SBF2: variants seen among roughly 807,000 people sequenced by gnomAD.
SBF2 encodes the protein myotubularin-related protein 13.
A neutral mutation model predicts 225.2 loss-of-function variants in SBF2; 112 were observed. The observed-to-expected ratio is 0.50, with a 90% confidence interval of 0.43 to 0.58. The LOEUF (loss-of-function observed/expected upper bound fraction) is 0.58. Among genes scored for constraint, SBF2 ranks in the 20% least tolerant of loss-of-function variants. The probability of loss-of-function intolerance (pLI) is 0.00; values close to 1 mark genes in which losing one functional copy is unlikely to be tolerated. For missense variants in SBF2, 1,996 were observed against 2,206.2 expected (o/e 0.90, Z 1.91); for synonymous variants, 763 against 773.3 (o/e 0.99, Z 0.22).
intron 25 of SBF2, among the ~76,000 whole-genome samples, chr11:9,840,798 G>C (rs1459501454): frequency 1.3e-5 from 2 of 152,144 alleles, no homozygotes; most frequent in Non-Finnish European, 2.9e-5. Context: ...ATTTTTGTTA[G>C]AGGATGTGGT....
chr11:10,130,100 TG>T (rs1330685447), intron 2 of SBF2, among the ~76,000 whole-genome samples: 6 of 152,148 alleles, frequency 3.9e-5, no homozygotes, highest in Non-Finnish European at 8.8e-5. Context: ...CAGTGGCTCA[TG>T]CCTGTAATAC....
intron 16 of SBF2, chr11:9,959,987 G>T (rs1045863305): frequency 2.4e-5 from 7 of 294,026 alleles, no homozygotes; most frequent in Non-Finnish European, 4.0e-5. Flanking sequence ...GATTTGTAGG[G>T]TTTTTTCTTT....
chr11:10,277,252 T>TAAACAAACAAAC (rs61700623), intron 1 of SBF2, among the ~76,000 whole-genome samples: 134,517 of 151,582 alleles, frequency 0.89, 61,157 homozygotes, highest in East Asian at 1. Flanking sequence ...ACTCTGTCTC[T>TAAACAAACAAAC]AAACAAACAA....
chr11:10,275,790 C>T (rs1316910784), intron 1 of SBF2, among the ~76,000 whole-genome samples: 1 of 152,096 alleles, frequency 6.6e-6, no homozygotes, highest in Non-Finnish European at 1.5e-5. Context: ...TCTATAGGCT[C>T]TATCCATTTT....
intron 14 of SBF2, among the ~76,000 whole-genome samples, chr11:9,965,681 T>TGGGG: frequency 6.6e-6 from 1 of 152,210 alleles, no homozygotes; most frequent in East Asian, 1.9e-4. Context: ...CTTCCCCCTA[T>TGGGG]GGTGACATCT....
At chr11:10,204,696 G>A (rs1033006765) in intron 1 of SBF2, among the ~76,000 whole-genome samples, 3 of 151,414 alleles carry the variant, frequency 2.0e-5, no homozygotes, top group Non-Finnish European at 4.4e-5. Flanking sequence ...TACATGCTAC[G>A]TATCATGGAT....
chr11:9,830,984 T>C (rs1396738776), intron 27 of SBF2, among the ~76,000 whole-genome samples: 2 of 152,110 alleles, frequency 1.3e-5, no homozygotes, highest in Non-Finnish European at 2.9e-5. Flanking sequence ...ATGCTTGTGT[T>C]CTATTTTACT....
At chr11:10,204,004 G>A (rs1957659767) in intron 1 of SBF2, among the ~76,000 whole-genome samples, 1 of 151,882 alleles carries the variant, frequency 6.6e-6, no homozygotes, top group Admixed American at 6.5e-5. Context: ...CAAATTTGAT[G>A]AAAACTATAA....
intron 2 of SBF2, among the ~76,000 whole-genome samples, chr11:10,171,830 T>C (rs1190755859): frequency 6.6e-6 from 1 of 152,184 alleles, no homozygotes; most frequent in African/African-American, 2.4e-5. Flanking sequence ...TTACTTGTTA[T>C]TGGTCTGTTC....
At chr11:9,807,081 G>C (rs921246964) in intron 32 of SBF2, among the ~76,000 whole-genome samples, 3 of 152,230 alleles carry the variant, frequency 2.0e-5, no homozygotes, top group Admixed American at 2.0e-4. Flanking sequence ...TTTGAGGCCA[G>C]TGTGTTTCAA....
intron 2 of SBF2, among the ~76,000 whole-genome samples, chr11:10,182,894 C>T (rs760314668): frequency 3.9e-5 from 6 of 152,108 alleles, no homozygotes; most frequent in Non-Finnish European, 8.8e-5. Context: ...CCGCCTCAGC[C>T]TCCCGAGTAG....
chr11:9,943,876 T>C (rs1865422128), intron 16 of SBF2, among the ~76,000 whole-genome samples: 7 of 152,222 alleles, frequency 4.6e-5, no homozygotes. Flanking sequence ...TTCATTCCTA[T>C]GTATTTATCC....
intron 1 of SBF2, among the ~76,000 whole-genome samples, chr11:10,240,638 A>G (rs1236894596): frequency 1.3e-5 from 2 of 152,200 alleles, no homozygotes; most frequent in Non-Finnish European, 2.9e-5. Flanking sequence ...AATTACCTAT[A>G]CCTACAAAAA....
intron 16 of SBF2, among the ~76,000 whole-genome samples, chr11:9,913,882 A>G (rs1862856237): frequency 6.6e-6 from 1 of 152,204 alleles, no homozygotes; most frequent in African/African-American, 2.4e-5. Context: ...CTGTTGTTTA[A>G]GTAGAGACAG....
rs374892695 is a variant in SBF2 at position 10,034,885 on chromosome 11, T to C, written c.280-3715A>G. Among the ~76,000 whole-genome samples, 4 of 152,312 alleles carry C rather than the reference T, an allele frequency of 2.6e-5. No individual in the cohort carries two copies. The South Asian group carries it at 6.2e-4, about 24-fold the overall frequency. The stretch of plus-strand genomic sequence containing the variant: ...CCTGAACCCTTCATTTCTTGCCAAA[T>C]AATCTTTTAATCAAGTTGACATGTC... On this transcript the variant is annotated intron_variant, in intron 3 of 39. Coordinates refer to ENST00000256190, the MANE Select transcript of SBF2 (RefSeq NM_030962.4).
chr11:10,037,873 C>A (rs150073353), intron 3 of SBF2, among the ~76,000 whole-genome samples: 4 of 151,826 alleles, frequency 2.6e-5, no homozygotes, highest in Non-Finnish European at 5.9e-5. Context: ...CATCTAGAGA[C>A]GAATTTATAA....
At chr11:10,251,629 G>A (rs1304671608) in intron 1 of SBF2, among the ~76,000 whole-genome samples, 1 of 151,684 alleles carries the variant, frequency 6.6e-6, no homozygotes, top group African/African-American at 2.4e-5. Flanking sequence ...GGGGACTCTG[G>A]ATAAGGAGCA....
chr11:10,066,722 G>A (rs900119974), intron 2 of SBF2, among the ~76,000 whole-genome samples: 2 of 152,050 alleles, frequency 1.3e-5, no homozygotes, highest in African/African-American at 2.4e-5. Context: ...AGATAGGCAC[G>A]TCTTCTATCA....
intron 2 of SBF2, among the ~76,000 whole-genome samples, chr11:10,105,168 A>T (rs1243920030): frequency 6.8e-6 from 1 of 147,530 alleles, no homozygotes; most frequent in South Asian, 2.1e-4. Flanking sequence ...CTACAGATAG[A>T]TTAGCGCTGT....
Sources: gnomAD v4.1 joint callset for allele counts (sites outside exome capture counted in the v4.1 genomes callset) on GRCh38, gnomAD v4.1.1 for gene constraint, MANE v1.5 for transcripts, NCBI Gene and HGNC (gene_info 2026-07-23, HGNC 2026-07-21) for gene names.